ANKRD28: variants seen among roughly 807,000 people sequenced by gnomAD.
ANKRD28 encodes the protein ankyrin repeat domain 28.
A neutral mutation model predicts 126.5 loss-of-function variants in ANKRD28; 44 were observed. The observed-to-expected ratio is 0.35, with a 90% CI of 0.27 to 0.45. The LOEUF (loss-of-function observed/expected upper bound fraction) is 0.45, where lower values mean the gene tolerates loss of function less well. Among genes scored for constraint, ANKRD28 ranks in the 20% least tolerant of loss-of-function variants. The pLI is 1.00. For missense variants in ANKRD28, 1,110 were observed against 1,316.6 expected (o/e 0.84, Z 2.43); for synonymous variants, 442 against 468.5 (o/e 0.94, Z 0.73).
chr3:15,687,029 C>T (rs577934711), intron 18 of ANKRD28, among the ~76,000 whole-genome samples: 2 of 151,596 alleles, frequency 1.3e-5, no homozygotes, highest in South Asian at 2.1e-4. Context: ...CTGCAACTTC[C>T]GCCTCCTGGG....
intron 8 of ANKRD28, among the ~76,000 whole-genome samples, chr3:15,719,802 G>A (rs937572624): frequency 6.6e-6 from 1 of 151,846 alleles, no homozygotes; most frequent in Non-Finnish European, 1.5e-5. Flanking sequence ...TGATCTTCTC[G>A]CCTTGGCCTC....
At chr3:15,753,019 G>T (rs1251433508) in intron 3 of ANKRD28, among the ~76,000 whole-genome samples, 1 of 152,090 alleles carries the variant, frequency 6.6e-6, no homozygotes, top group Admixed American at 6.6e-5. Flanking sequence ...AAATGGAGGT[G>T]TAAGAAACAT....
chr3:15,751,754 C>G lies in ANKRD28; in HGVS notation c.347G>C (p.Ser116Thr). Residue 116 changes from serine to threonine, a missense_variant, in exon 4 of 28, where the codon AGT becomes ACT. Ser to Thr is a moderately conservative substitution (Grantham distance 58, BLOSUM62 1). Transcript: ENST00000683139. Reference sequence around the variant, plus strand: ...TTACTAAGAGAAATTTCATACCTCACTACAAGATGCAACTGCTCTGTGTAA... The same window carrying G: ...TTACTAAGAGAAATTTCATACCTCAGTACAAGATGCAACTGCTCTGTGTAA... Reference protein sequence around the residue: ...TPLHRAVASCSEEAVQVLLKH... With the variant: ...TPLHRAVASCTEEAVQVLLKH... 6.3e-7 allele frequency: 1 copy of G among 1,577,250 alleles called. No homozygotes were observed. Among genetic ancestry groups the G allele is most frequent in the Non-Finnish European group, 8.6e-7 (1 of 1,160,268 alleles).
chr3:15,829,341 T>C (rs1025744431), intron 1 of ANKRD28, among the ~76,000 whole-genome samples: 1 of 152,224 alleles, frequency 6.6e-6, no homozygotes, highest in Non-Finnish European at 1.5e-5. Context: ...TAAGTTATCA[T>C]GGTTCAAGTA....
At chr3:15,727,676 C>G (rs2074280593) in intron 6 of ANKRD28, among the ~76,000 whole-genome samples, 1 of 151,668 alleles carries the variant, frequency 6.6e-6, no homozygotes, top group Non-Finnish European at 1.5e-5. Flanking sequence ...GATTCCAACC[C>G]TCATGGATGA....
chr3:15,698,508 A>T (rs1368107630), intron 14 of ANKRD28, among the ~76,000 whole-genome samples: 1 of 152,224 alleles, frequency 6.6e-6, no homozygotes, highest in Non-Finnish European at 1.5e-5. Context: ...CTCAGCTCAA[A>T]ATCTCCTTAA....
At chr3:15,799,047 A>G (rs575835067), upstream of ANKRD28, among the ~76,000 whole-genome samples, 43 of 152,190 alleles carry the variant, frequency 2.8e-4, no homozygotes, top group African/African-American at 9.4e-4. Flanking sequence ...ATAAATTAAT[A>G]AAGTTGTGTG....
At chr3:15,856,253 G>C (rs1220599119) in intron 1 of ANKRD28, among the ~76,000 whole-genome samples, 1 of 152,138 alleles carries the variant, frequency 6.6e-6, no homozygotes, top group Non-Finnish European at 1.5e-5. Flanking sequence ...CTTGAAGCTA[G>C]GCAGCCACTA....
In ANKRD28 at chr3:15,670,389, A is replaced by G. The variant is rs1020860812; in HGVS notation, c.3133T>C (p.Leu1045=). 2 of 1,613,966 alleles carry G rather than the reference A, an allele frequency of 1.2e-6. No homozygotes were observed. Among genetic ancestry groups the G allele is most frequent in the Non-Finnish European group, 1.7e-6 (2 of 1,179,866 alleles). The change falls in exon 28 of 28, where the codon TTG becomes CTG. Residue 1045 remains leucine, a synonymous_variant. Transcript: ENST00000683139. ...NTSKTVSFEA[L]PIMRNEPSSY... ...CTAGGTTCATTCCTCATGATGGGCA[A>G]AGCTTCAAAGCTGACTGTTTTTGAG...
chr3:15,841,604 T>TA (rs111785682), intron 1 of ANKRD28, among the ~76,000 whole-genome samples: 57 of 149,740 alleles, frequency 3.8e-4, no homozygotes, highest in Admixed American at 1.5e-3. Flanking sequence ...AATAACCCAA[T>TA]AAAAAAAAAT....
At chr3:15,743,871 G>A (rs2057296691) in intron 4 of ANKRD28, among the ~76,000 whole-genome samples, 1 of 152,148 alleles carries the variant, frequency 6.6e-6, no homozygotes, top group East Asian at 1.9e-4. Flanking sequence ...TACGGTATGT[G>A]CTAAGTTAAG....
In ANKRD28 at chr3:15,766,217, C is replaced by A. The variant is rs1282066962; in HGVS notation, c.280+17G>T. On this transcript the variant is annotated intron_variant, in intron 3 of 27. Transcript: ENST00000683139. ...AAATATACATAATGTGTTCTTATTACTCAGAGGTTACCATACCAGATAAAA... is the reference window on the plus strand; with the variant it reads ...AAATATACATAATGTGTTCTTATTAATCAGAGGTTACCATACCAGATAAAA... 3.8e-6 allele frequency: 6 copies of A among 1,592,134 alleles called. No homozygotes were observed. The Admixed American group carries it at 8.5e-5, about 22-fold the overall frequency.
At chr3:15,802,499 G>T (rs180803586), upstream of ANKRD28, among the ~76,000 whole-genome samples, 61 of 152,258 alleles carry the variant, frequency 4.0e-4, no homozygotes, top group African/African-American at 1.5e-3. Context: ...ATCTATGAGT[G>T]GACATATATC....
At chr3:15,678,982 G>A (rs2067245503) in intron 23 of ANKRD28, among the ~76,000 whole-genome samples, 1 of 152,046 alleles carries the variant, frequency 6.6e-6, no homozygotes, top group Admixed American at 6.6e-5. Flanking sequence ...ACCTTTTTGG[G>A]GGGTAGGGCC....
chr3:15,788,025 A>G (rs1294452992), intron 2 of ANKRD28, among the ~76,000 whole-genome samples: 1 of 152,206 alleles, frequency 6.6e-6, no homozygotes, highest in Non-Finnish European at 1.5e-5. Flanking sequence ...TAGCTCTTAA[A>G]TCAGCTCTTT....
chr3:15,804,911 G>C (rs1035354742), intron 1 of ANKRD28, among the ~76,000 whole-genome samples: 1 of 145,184 alleles, frequency 6.9e-6, no homozygotes, highest in Non-Finnish European at 1.5e-5. Context: ...CTCAAAGGAA[G>C]GAAGGTTTTT....
intron 1 of ANKRD28, among the ~76,000 whole-genome samples, chr3:15,822,490 T>A (rs1256077519): frequency 6.6e-6 from 1 of 152,164 alleles, no homozygotes; most frequent in Non-Finnish European, 1.5e-5. Flanking sequence ...GGGGGAAACA[T>A]TGGCTCTCCA....
At chr3:15,703,438 A>T (rs890417452) in intron 14 of ANKRD28, among the ~76,000 whole-genome samples, 3 of 152,192 alleles carry the variant, frequency 2.0e-5, no homozygotes, top group African/African-American at 4.8e-5. Context: ...TTAGGTCAAG[A>T]GGGCAGAGCC....
At chr3:15,727,589 A>AAT (rs2074271912) in intron 6 of ANKRD28, among the ~76,000 whole-genome samples, 1 of 139,418 alleles carries the variant, frequency 7.2e-6, no homozygotes, top group Non-Finnish European at 1.6e-5. Context: ...AAAAAAAAAA[A>AAT]AGAAAGAAAG....
Sources: gnomAD v4.1 joint callset for allele counts (sites outside exome capture counted in the v4.1 genomes callset) on GRCh38, gnomAD v4.1.1 for gene constraint, MANE v1.5 for transcripts, NCBI Gene and HGNC (gene_info 2026-07-23, HGNC 2026-07-21) for gene names.